KHDRBS3: variants seen among roughly 807,000 people sequenced by gnomAD.
KHDRBS3 encodes KH domain-containing, RNA-binding, signal transduction-associated protein 3.
KHDRBS3 carries 23 observed loss-of-function variants against 45.6 expected under a neutral mutation model. The observed-to-expected ratio is 0.50, with a 90% CI of 0.36 to 0.72. KHDRBS3 has a LOEUF of 0.72. Ranked by LOEUF, KHDRBS3 falls within the 30% of genes least tolerant of loss-of-function variation. The probability of loss-of-function intolerance (pLI) is 0.00; values close to 1 mark genes in which losing one functional copy is unlikely to be tolerated. For missense variants in KHDRBS3, 352 were observed against 424.8 expected (o/e 0.83, Z 1.51); for synonymous variants, 162 against 156.5 (o/e 1.04, Z -0.26).
chr8:135,558,590 A>G (rs762062202), intron 5 of KHDRBS3, among the ~76,000 whole-genome samples: 6 of 152,168 alleles, frequency 3.9e-5, no homozygotes, highest in Non-Finnish European at 8.8e-5. Flanking sequence ...ATTTTTCTCT[A>G]TTAATAAAAA....
At chr8:135,502,997 A>G (rs1386507512) in intron 1 of KHDRBS3, among the ~76,000 whole-genome samples, 1 of 152,188 alleles carries the variant, frequency 6.6e-6, no homozygotes, top group Non-Finnish European at 1.5e-5. Flanking sequence ...CTAGCCACGC[A>G]TGTGGCCAGT....
intron 7 of KHDRBS3, among the ~76,000 whole-genome samples, chr8:135,636,823 A>G (rs1300065894): frequency 6.6e-6 from 1 of 152,218 alleles, no homozygotes; most frequent in African/African-American, 2.4e-5. Context: ...ACTCATCAGA[A>G]CTGGCCCCAT....
At chr8:135,547,159 G>A (rs982040960) in intron 3 of KHDRBS3, among the ~76,000 whole-genome samples, 9 of 152,082 alleles carry the variant, frequency 5.9e-5, no homozygotes, top group Non-Finnish European at 7.4e-5. Flanking sequence ...AAGAGTTGGC[G>A]TAAGATAATG....
At chr8:135,512,239 C>T (rs751707506) in intron 1 of KHDRBS3, among the ~76,000 whole-genome samples, 35 of 152,100 alleles carry the variant, frequency 2.3e-4, no homozygotes, top group African/African-American at 4.1e-4. Flanking sequence ...ATAGAATTTA[C>T]GATGGCTGTA....
chr8:135,535,871 A>G (rs1825722365), intron 2 of KHDRBS3, among the ~76,000 whole-genome samples: 1 of 152,148 alleles, frequency 6.6e-6, no homozygotes, highest in Non-Finnish European at 1.5e-5. Flanking sequence ...GGTGCCTTAA[A>G]CACCGATTCC....
At chr8:135,516,330 T>C (rs1453690398) in intron 1 of KHDRBS3, among the ~76,000 whole-genome samples, 2 of 152,202 alleles carry the variant, frequency 1.3e-5, no homozygotes, top group Non-Finnish European at 2.9e-5. Context: ...TGCACACTTT[T>C]ATACATCTGG....
At chr8:135,629,587 C>G (rs1374277766) in intron 7 of KHDRBS3, among the ~76,000 whole-genome samples, 2 of 152,194 alleles carry the variant, frequency 1.3e-5, no homozygotes, top group African/African-American at 4.8e-5. Flanking sequence ...AAACTCTGGG[C>G]TCTTAATCAT....
chr8:135,478,582 A>G (rs945066927), intron 1 of KHDRBS3, among the ~76,000 whole-genome samples: 3 of 152,244 alleles, frequency 2.0e-5, no homozygotes, highest in Non-Finnish European at 2.9e-5. Context: ...GCCAGTTCAT[A>G]GAACAAGCCT....
chr8:135,474,039 A>G (rs1040357191), intron 1 of KHDRBS3, among the ~76,000 whole-genome samples: 3 of 152,220 alleles, frequency 2.0e-5, no homozygotes, highest in Admixed American at 6.5e-5. Flanking sequence ...TCCTTTGCTC[A>G]TAGACCATAC....
At chr8:135,575,346 G>C (rs1314328586) in intron 5 of KHDRBS3, among the ~76,000 whole-genome samples, 1 of 152,134 alleles carries the variant, frequency 6.6e-6, no homozygotes, top group African/African-American at 2.4e-5. Flanking sequence ...GCTCCATAGA[G>C]CTCGTGGCTC....
At chr8:135,551,325 T>C (rs1826588275) in intron 4 of KHDRBS3, among the ~76,000 whole-genome samples, 2 of 152,144 alleles carry the variant, frequency 1.3e-5, no homozygotes, top group African/African-American at 4.8e-5. Context: ...AATGCAGTGT[T>C]GTTTCTAAAA....
intron 4 of KHDRBS3, chr8:135,549,579 G>T (rs955111836): frequency 6.6e-6 from 1 of 152,198 alleles, no homozygotes; most frequent in Non-Finnish European, 1.5e-5. Context: ...AGTCTTTTGT[G>T]TGATTTGTAT....
intron 7 of KHDRBS3, among the ~76,000 whole-genome samples, chr8:135,634,277 C>T (rs1830721256): frequency 6.6e-6 from 1 of 152,108 alleles, no homozygotes; most frequent in African/African-American, 2.4e-5. Context: ...CCTTGTTTTC[C>T]CTCCCCTGTC....
intron 7 of KHDRBS3, among the ~76,000 whole-genome samples, chr8:135,634,147 C>G (rs927666699): frequency 6.6e-6 from 1 of 152,170 alleles, no homozygotes; most frequent in Admixed American, 6.5e-5. Context: ...TTTGTTAACT[C>G]TTAATTAAAT....
chr8:135,473,530 AC>A (rs1422296075), intron 1 of KHDRBS3, among the ~76,000 whole-genome samples: 4 of 152,082 alleles, frequency 2.6e-5, no homozygotes, highest in Non-Finnish European at 5.9e-5. Context: ...AGACAGATAT[AC>A]ACTTTTTATT....
intron 2 of KHDRBS3, among the ~76,000 whole-genome samples, chr8:135,523,122 T>A (rs1825001290): frequency 6.6e-6 from 1 of 152,192 alleles, no homozygotes; most frequent in Admixed American, 6.5e-5. Context: ...TCCTTCTTTT[T>A]CAGGATTACT....
At chr8:135,634,342 A>G (rs1197191830) in intron 7 of KHDRBS3, among the ~76,000 whole-genome samples, 3 of 152,204 alleles carry the variant, frequency 2.0e-5, no homozygotes, top group Non-Finnish European at 2.9e-5. Flanking sequence ...TCAGGTTCAC[A>G]ATATCAACTC....
In KHDRBS3 at chr8:135,605,893, G is replaced by GT. The variant is rs1172269925; in HGVS notation, c.808-1055dup. Among the ~76,000 whole-genome samples the GT allele has an allele frequency of 2.0e-5, 3 of 151,976 alleles. No individual in the cohort carries two copies. The East Asian group carries it at 5.8e-4, about 29-fold the overall frequency. ...CTTGTGTAGGGACATACTTTTGTGA[G>GT]TTTTTTTGCGTGTCTCAGTTTTTTG... On this transcript the variant is annotated intron_variant, in intron 6 of 8. Transcript: ENST00000355849.
At chr8:135,511,146 AG>A (rs909316440) in intron 1 of KHDRBS3, among the ~76,000 whole-genome samples, 115 of 152,350 alleles carry the variant, frequency 7.5e-4, no homozygotes, top group African/African-American at 2.4e-3. Context: ...GCATGGACAT[AG>A]GAATCAGATA....
Sources: gnomAD v4.1 joint callset for allele counts (sites outside exome capture counted in the v4.1 genomes callset) on GRCh38, gnomAD v4.1.1 for gene constraint, MANE v1.5 for transcripts, NCBI Gene and HGNC (gene_info 2026-07-23, HGNC 2026-07-21) for gene names.